Variants in BNC2 observed in about 807,000 individuals in gnomAD.
BNC2 encodes the protein zinc finger protein basonuclin-2.
A neutral mutation model predicts 76.3 loss-of-function variants in BNC2; 20 were observed. The observed-to-expected ratio is 0.26, with a 90% CI of 0.18 to 0.38. The LOEUF (loss-of-function observed/expected upper bound fraction) is 0.38. BNC2 is among the 10% of genes least tolerant of loss of function. BNC2 has a pLI of 1.00. For synonymous variants in BNC2, 582 were observed against 514.8 expected (o/e 1.13, Z -1.77); for missense variants, 1,382 against 1,399.8 (o/e 0.99, Z 0.20).
intron 5 of BNC2, among the ~76,000 whole-genome samples, chr9:16,535,890 A>T (rs768066976): frequency 3.9e-5 from 6 of 152,002 alleles, no homozygotes; most frequent in Non-Finnish European, 7.4e-5. Context: ...GAACCCTACA[A>T]CTATCTGCAG....
At chr9:16,648,762 A>G (rs1821710158) in intron 3 of BNC2, among the ~76,000 whole-genome samples, 1 of 152,220 alleles carries the variant, frequency 6.6e-6, no homozygotes, top group African/African-American at 2.4e-5. Flanking sequence ...CCAATTCCAC[A>G]TTAGACAATC....
At chr9:16,541,491 T>C (rs1209706167) in intron 5 of BNC2, among the ~76,000 whole-genome samples, 2 of 152,184 alleles carry the variant, frequency 1.3e-5, no homozygotes, top group African/African-American at 2.4e-5. Flanking sequence ...CTGCTGGTGA[T>C]GGAATGATGG....
chr9:16,607,770 G>T (rs1820425352), intron 3 of BNC2, among the ~76,000 whole-genome samples: 1 of 152,136 alleles, frequency 6.6e-6, no homozygotes, highest in Admixed American at 6.5e-5. Flanking sequence ...CTTCCAGATG[G>T]AAGGCCCCTT....
intron 1 of BNC2, among the ~76,000 whole-genome samples, chr9:16,756,422 C>A (rs564917731): frequency 1.3e-5 from 2 of 152,138 alleles, no homozygotes; most frequent in East Asian, 3.9e-4. Context: ...TACTCTGGTA[C>A]AGACTCTCAT....
intron 1 of BNC2, among the ~76,000 whole-genome samples, chr9:16,845,398 A>G (rs1818944755): frequency 6.6e-6 from 1 of 152,206 alleles, no homozygotes; most frequent in Non-Finnish European, 1.5e-5. Flanking sequence ...TATACGCATT[A>G]GAAAGAAACC....
chr9:16,782,515 A>C (rs890025236), intron 1 of BNC2, among the ~76,000 whole-genome samples: 1 of 151,910 alleles, frequency 6.6e-6, no homozygotes, highest in African/African-American at 2.4e-5. Context: ...TGACTTCTCT[A>C]TTTTCTCTGG....
chr9:16,548,847 T>TTTA (rs1222788569), intron 5 of BNC2, among the ~76,000 whole-genome samples: 1 of 152,258 alleles, frequency 6.6e-6, no homozygotes, highest in African/African-American at 2.4e-5. Flanking sequence ...AATACTTTAA[T>TTTA]AAGTACACAG....
At chr9:16,771,062 A>C (rs190191321) in intron 1 of BNC2, among the ~76,000 whole-genome samples, 38 of 152,240 alleles carry the variant, frequency 2.5e-4, no homozygotes, top group African/African-American at 8.4e-4. Flanking sequence ...CCAGCTACTC[A>C]GGAGGCTAAG....
At chr9:16,543,936 T>C (rs1250682683) in intron 5 of BNC2, among the ~76,000 whole-genome samples, 7 of 152,196 alleles carry the variant, frequency 4.6e-5, no homozygotes, top group African/African-American at 1.7e-4. Context: ...CTGAATCATC[T>C]ATTTTTTGTA....
rs111771952 is a variant in BNC2, at chr9:16,583,432, A to C, written c.331-347T>G. On this transcript the variant is annotated intron_variant, in intron 3 of 6. Coordinates refer to ENST00000380672, the MANE Select transcript of BNC2 (RefSeq NM_017637.6). ...TTGCTGCTAATATATATTTCCACTT[A>C]AATTTCTCTACTTGTCAATAAAGCA... 1.5e-3 allele frequency among the ~76,000 whole-genome samples: 223 copies of C among 152,312 alleles called. 1 individual carries two copies. The highest frequency in any genetic ancestry group is 4.9e-3 in the African/African-American group (205 of 41,584).
rs1157259666 is a variant in BNC2, at chr9:16,539,737, AG to A, written c.669+12792del. 7.9e-3 allele frequency among the ~76,000 whole-genome samples: 757 copies of A among 95,808 alleles called. 52 individuals carry two copies. The highest frequency in any genetic ancestry group is 0.036 in the African/African-American group (716 of 19,800). The allele number at this position is 95,808 out of a possible 152,430, so 62.9% of individuals were successfully genotyped here. On this transcript the variant is annotated intron_variant, in intron 5 of 6. Transcript: ENST00000380672. Reference sequence around the variant, plus strand: ...AAGGAAGGGGAAGGAAAAGAGGGAAAGGGAAGGGAAGGGAAGGAAAGGAAAG... The same window carrying A: ...AAGGAAGGGGAAGGAAAAGAGGGAAAGGAAGGGAAGGGAAGGAAAGGAAAG...
intron 4 of BNC2, chr9:16,579,777 G>C (rs1205232841): frequency 9.3e-6 from 2 of 215,840 alleles, no homozygotes; most frequent in East Asian, 2.0e-4. Flanking sequence ...AACATCTTAG[G>C]AATGAACTGA....
chr9:16,484,198 G>C (rs942720023), intron 5 of BNC2, among the ~76,000 whole-genome samples: 2 of 152,056 alleles, frequency 1.3e-5, no homozygotes, highest in African/African-American at 4.8e-5. Context: ...AGTCTAGGCC[G>C]TTTTACACCT....
At chr9:16,520,224 A>AC (rs1306682893) in intron 5 of BNC2, among the ~76,000 whole-genome samples, 2 of 152,114 alleles carry the variant, frequency 1.3e-5, no homozygotes, top group African/African-American at 4.8e-5. Context: ...CTGAACACCA[A>AC]CCCGACACTT....
intron 3 of BNC2, among the ~76,000 whole-genome samples, chr9:16,643,983 C>A (rs1326625680): frequency 6.6e-6 from 1 of 152,158 alleles, no homozygotes; most frequent in Non-Finnish European, 1.5e-5. Context: ...GGTAGGGCTA[C>A]ACCTATACGC....
intron 1 of BNC2, among the ~76,000 whole-genome samples, chr9:16,765,458 T>G (rs934305794): frequency 4.6e-5 from 7 of 152,200 alleles, no homozygotes; most frequent in Non-Finnish European, 7.3e-5. Flanking sequence ...ATTAAATCTG[T>G]TATTATTAAC....
In BNC2 at chr9:16,454,480, G is replaced by C. The variant is rs547249803; in HGVS notation, c.670-16956C>G. Reference sequence around the variant, plus strand: ...CACACCCAGCTAATTTTTTATTTTAGTTGTACAGAGATGGGATCTCATTAT... The same window carrying C: ...CACACCCAGCTAATTTTTTATTTTACTTGTACAGAGATGGGATCTCATTAT... On this transcript the variant is annotated intron_variant, in intron 5 of 6. Coordinates refer to ENST00000380672, the MANE Select transcript of BNC2 (RefSeq NM_017637.6). Among the ~76,000 whole-genome samples the C allele has an allele frequency of 1.9e-3, 296 of 152,122 alleles. 1 individual carries two copies. Among genetic ancestry groups the C allele is most frequent in the African/African-American group, 6.6e-3 (275 of 41,508 alleles).
intron 5 of BNC2, among the ~76,000 whole-genome samples, chr9:16,449,210 T>C (rs1410552839): frequency 1.3e-5 from 2 of 152,182 alleles, no homozygotes; most frequent in African/African-American, 4.8e-5. Flanking sequence ...AGTCCTGACT[T>C]TCTAAGCAGC....
At chr9:16,533,646 T>C (rs1316547610) in intron 5 of BNC2, among the ~76,000 whole-genome samples, 1 of 152,188 alleles carries the variant, frequency 6.6e-6, no homozygotes, top group East Asian at 1.9e-4. Flanking sequence ...TTGTATTTCA[T>C]GGTACATCCA....
Sources: gnomAD v4.1 joint callset for allele counts (sites outside exome capture counted in the v4.1 genomes callset) on GRCh38, gnomAD v4.1.1 for gene constraint, MANE v1.5 for transcripts, NCBI Gene and HGNC (gene_info 2026-07-23, HGNC 2026-07-21) for gene names.